Variants in MYO1H observed in about 807,000 individuals in gnomAD.
MYO1H encodes the protein myosin IH.
In MYO1H, 118 loss-of-function variants were observed where a neutral mutation model predicts 149.3. That is an observed-to-expected ratio of 0.79 (90% CI 0.68 to 0.92). MYO1H has a LOEUF of 0.92. MYO1H is among the 40% of genes least tolerant of loss of function. The pLI is 0.00. For synonymous variants in MYO1H, 447 were observed against 465.2 expected (o/e 0.96, Z 0.50); for missense variants, 1,212 against 1,280.7 (o/e 0.95, Z 0.82).
intron 13 of MYO1H, among the ~76,000 whole-genome samples, chr12:109,411,019 G>A (rs1592801817): frequency 6.6e-6 from 1 of 152,200 alleles, no homozygotes; most frequent in African/African-American, 2.4e-5. Context: ...GCATGCGCCT[G>A]TAGTCCCAGC....
the MYO1H span, among the ~76,000 whole-genome samples, chr12:109,334,088 C>G: frequency 6.6e-6 from 1 of 152,108 alleles, no homozygotes; most frequent in Admixed American, 6.5e-5. Flanking sequence ...GCAATCTCGG[C>G]TCACTGCAAC....
chr12:109,360,561 C>G (rs921322655), intron 1 of MYO1H, among the ~76,000 whole-genome samples: 1 of 152,134 alleles, frequency 6.6e-6, no homozygotes, highest in African/African-American at 2.4e-5. Context: ...ACATAGTTTT[C>G]TAACTTCTCA....
At chr12:109,372,252 A>G (rs948189804) in intron 1 of MYO1H, among the ~76,000 whole-genome samples, 3 of 151,834 alleles carry the variant, frequency 2.0e-5, no homozygotes, top group Non-Finnish European at 4.4e-5. Flanking sequence ...TCCTTTCATT[A>G]TTTTATTTTT....
At chr12:109,413,449 C>T (rs1870761246) in intron 14 of MYO1H, among the ~76,000 whole-genome samples, 1 of 152,028 alleles carries the variant, frequency 6.6e-6, no homozygotes, top group Non-Finnish European at 1.5e-5. Context: ...TTGTAGAATA[C>T]TGAAAGGATA....
intron 1 of MYO1H, among the ~76,000 whole-genome samples, chr12:109,376,887 G>A (rs75784891): frequency 0.059 from 8,993 of 152,224 alleles, 871 homozygotes; most frequent in African/African-American, 0.21. Flanking sequence ...CAGTGTGGGA[G>A]AACATAACAT....
chr12:109,347,214 TGTG>T (rs1284474626), upstream of MYO1H, among the ~76,000 whole-genome samples: 1 of 152,084 alleles, frequency 6.6e-6, no homozygotes, highest in Non-Finnish European at 1.5e-5. Flanking sequence ...AGGCATACAA[TGTG>T]GTGGGTGATG....
upstream of MYO1H, among the ~76,000 whole-genome samples, chr12:109,347,014 G>GAT (rs2048104753): frequency 6.6e-6 from 1 of 152,048 alleles, no homozygotes; most frequent in Non-Finnish European, 1.5e-5. Flanking sequence ...TCTCCAATAG[G>GAT]ATATATATAC....
At chr12:109,427,342 G>T in intron 18 of MYO1H, 127 bp from the exon 19 acceptor site, 180 of 421,186 alleles carry the variant, frequency 4.3e-4, no homozygotes, top group Non-Finnish European at 6.0e-4. Flanking sequence ...AAAAAATTAA[G>T]ACCTCACGAA....
chr12:109,346,791 A>T (rs1479630124), upstream of MYO1H, among the ~76,000 whole-genome samples: 1 of 152,116 alleles, frequency 6.6e-6, no homozygotes, highest in Non-Finnish European at 1.5e-5. Flanking sequence ...TTTAAAAACT[A>T]AAATATATGT....
intron 6 of MYO1H, among the ~76,000 whole-genome samples, chr12:109,403,449 T>C (rs1228462334): frequency 1.3e-5 from 2 of 152,230 alleles, no homozygotes; most frequent in Non-Finnish European, 2.9e-5. Context: ...GTCTGTTATT[T>C]AAAAGACAAC....
chr12:109,417,805 T>TG (rs1870990253), intron 15 of MYO1H, among the ~76,000 whole-genome samples: 1 of 150,170 alleles, frequency 6.7e-6, no homozygotes, highest in African/African-American at 2.5e-5. Flanking sequence ...AGATTGGGTT[T>TG]TTTTGTTTTG....
At chr12:109,438,322 G>T (rs912005990) in intron 22 of MYO1H, among the ~76,000 whole-genome samples, 3 of 152,036 alleles carry the variant, frequency 2.0e-5, no homozygotes, top group Admixed American at 6.6e-5. Context: ...ACCTTCCATA[G>T]CCCCCTCTGT....
chr12:109,366,270 A>G (rs1466474743), intron 1 of MYO1H, among the ~76,000 whole-genome samples: 1 of 152,192 alleles, frequency 6.6e-6, no homozygotes, highest in Non-Finnish European at 1.5e-5. Flanking sequence ...TAATCTGTGT[A>G]CCAATGTCCC....
In MYO1H at chr12:109,410,141, A is replaced by T. The variant is rs180878901; in HGVS notation, c.1329+73A>T. The stretch of plus-strand genomic sequence containing the variant: ...AAGACTTCTTTTTTTAATTTAATTA[A>T]TTTTTTTTTTATTTTTTTGAGACAA... On this transcript the variant is annotated intron_variant, in intron 12 of 31. Transcript: ENST00000310903. The T allele has an allele frequency of 8.9e-3, 6,449 of 725,770 alleles. 304 individuals are homozygous for T. The African/African-American group carries it at 0.11, about 12-fold the overall frequency. 45.0% of individuals were successfully genotyped at this position (725,770 alleles called of 1,614,324 possible). A position where few individuals can be genotyped will look rare whatever the true frequency, so the allele number is the denominator to read the frequency against.
chr12:109,402,778 G>C (rs974104598), intron 6 of MYO1H, among the ~76,000 whole-genome samples: 1 of 152,026 alleles, frequency 6.6e-6, no homozygotes, highest in Non-Finnish European at 1.5e-5. Context: ...CTGTATGGTC[G>C]CATCATGATT....
At chr12:109,331,205 A>G in the MYO1H span, among the ~76,000 whole-genome samples, 2 of 152,332 alleles carry the variant, frequency 1.3e-5, no homozygotes, top group South Asian at 4.1e-4. Flanking sequence ...TTCATTTTAG[A>G]AAATCCATAG....
At chr12:109,391,681 C>T (rs1162987017) in intron 2 of MYO1H, among the ~76,000 whole-genome samples, 1 of 152,244 alleles carries the variant, frequency 6.6e-6, no homozygotes, top group Non-Finnish European at 1.5e-5. Flanking sequence ...CTCCCACCAA[C>T]AGTGTAAAAG....
chr12:109,422,764 C>A (rs888493152), intron 16 of MYO1H, among the ~76,000 whole-genome samples: 4 of 151,976 alleles, frequency 2.6e-5, no homozygotes, highest in Admixed American at 6.6e-5. Flanking sequence ...TAAACAACAA[C>A]AAAAAAATTC....
At chr12:109,416,243 T>C (rs965817662) in intron 15 of MYO1H, among the ~76,000 whole-genome samples, 4 of 152,094 alleles carry the variant, frequency 2.6e-5, no homozygotes, top group African/African-American at 9.7e-5. Flanking sequence ...TTTTAGAACA[T>C]TTTATCACCC....
Sources: gnomAD v4.1 joint callset for allele counts (sites outside exome capture counted in the v4.1 genomes callset) on GRCh38, gnomAD v4.1.1 for gene constraint, MANE v1.5 for transcripts, NCBI Gene and HGNC (gene_info 2026-07-23, HGNC 2026-07-21) for gene names.